Variants in TAF4 observed in about 807,000 individuals in gnomAD.
TAF4 encodes TATA-box binding protein associated factor 4, also known as transcription initiation factor TFIID subunit 4.
A neutral mutation model predicts 90.3 loss-of-function variants in TAF4; 9 were observed. The observed-to-expected ratio is 0.10, with a 90% CI of 0.06 to 0.17. The LOEUF (loss-of-function observed/expected upper bound fraction) is 0.17. Among genes scored for constraint, TAF4 ranks in the 10% least tolerant of loss-of-function variants. TAF4 has a pLI of 1.00. For missense variants in TAF4, 1,351 were observed against 1,370.7 expected (o/e 0.99, Z 0.23); for synonymous variants, 818 against 638.9 (o/e 1.28, Z -4.23).
chr20:62,045,663 T>A (rs558573647), intron 1 of TAF4, among the ~76,000 whole-genome samples: 1 of 152,322 alleles, frequency 6.6e-6, no homozygotes, highest in African/African-American at 2.4e-5. Context: ...AACTGCCTTG[T>A]TTGTGAGTGT....
chr20:62,063,326 G>A (rs373753219), intron 1 of TAF4, among the ~76,000 whole-genome samples: 8 of 152,334 alleles, frequency 5.3e-5, no homozygotes, highest in African/African-American at 1.4e-4. Context: ...AGGGGACGCA[G>A]GAGGGACCCA....
At position 62,064,608 on chromosome 20, in the gene TAF4, G is replaced by A. The variant is rs2056111348; in HGVS notation, c.1203C>T (p.Pro401=). The change falls in exon 1 of 15, where the codon CCC becomes CCT. Residue 401 remains proline, a synonymous_variant. Transcript: ENST00000252996. ...GGGTCACTGCGCCGGCCGCGCCTTT[G>A]GGCAGCCCGGTGGGGGTCCCGGGGG... The part of the protein sequence containing the change: ...PPAPGTPTGL[P]KGAAGAVTQS... The A allele has an allele frequency of 2.8e-6, 4 of 1,436,466 alleles. No homozygotes were observed. Among genetic ancestry groups the A allele is most frequent in the Non-Finnish European group, 3.6e-6 (4 of 1,097,104 alleles). The allele number at this position is 1,436,466 out of a possible 1,614,324, so 89.0% of individuals were successfully genotyped here.
At chr20:61,998,049 G>C in intron 13 of TAF4, 87 bp downstream of exon 13, 3 of 1,286,100 alleles carry the variant, frequency 2.3e-6, no homozygotes, top group Non-Finnish European at 3.3e-6. Flanking sequence ...TCGTACAGAA[G>C]TGCCACGGTT....
At chr20:62,001,680 GGCTGTGGCTGGGCTGCACA>G (rs2055704789) in intron 9 of TAF4, among the ~76,000 whole-genome samples, 1 of 152,130 alleles carries the variant, frequency 6.6e-6, no homozygotes, top group South Asian at 2.1e-4. Context: ...GGTGGTCACG[GGCTGTGGCTGGGCTGCACA>G]GCTTAGGGCT....
intron 6 of TAF4, chr20:62,007,008 A>T (rs573627520): frequency 7.6e-5 from 32 of 422,396 alleles, no homozygotes; most frequent in South Asian, 7.0e-4. Context: ...ACATATTTTT[A>T]AAAAACTTTT....
chr20:62,052,887 C>T (rs1339156394), intron 1 of TAF4, among the ~76,000 whole-genome samples: 3 of 150,688 alleles, frequency 2.0e-5, no homozygotes, highest in East Asian at 2.0e-4. Flanking sequence ...AGGTCCCTCA[C>T]GCTGCCACTC....
intron 1 of TAF4, among the ~76,000 whole-genome samples, chr20:62,043,635 T>C (rs2055976288): frequency 6.6e-6 from 1 of 152,092 alleles, no homozygotes; most frequent in Non-Finnish European, 1.5e-5. Context: ...TCATCTTTTA[T>C]CCCCTAGTTT....
intron 5 of TAF4, 128 bp downstream of exon 5, chr20:62,008,924 C>CT: frequency 1.5e-6 from 2 of 1,306,254 alleles, no homozygotes; most frequent in Non-Finnish European, 2.1e-6. Flanking sequence ...CTCCCCTTCG[C>CT]CTGCAGCCTT....
chr20:62,033,737 CAAAAA>C (rs760557566), intron 1 of TAF4, among the ~76,000 whole-genome samples: 1 of 64,590 alleles, frequency 1.5e-5, no homozygotes, highest in Non-Finnish European at 3.1e-5. Flanking sequence ...GACTCCGTCT[CAAAAA>C]AAAAAAAAAA....
At chr20:61,990,128 C>T (rs2055622164) in intron 14 of TAF4, among the ~76,000 whole-genome samples, 1 of 152,136 alleles carries the variant, frequency 6.6e-6, no homozygotes. Context: ...TAGTAGCCAC[C>T]TAAGGTATCA....
At chr20:62,057,196 G>A (rs887370260) in intron 1 of TAF4, among the ~76,000 whole-genome samples, 2 of 152,180 alleles carry the variant, frequency 1.3e-5, no homozygotes, top group African/African-American at 4.8e-5. Flanking sequence ...TGCCCACAGT[G>A]TCTGCAGCCC....
At chr20:62,056,190 T>C (rs535589661) in intron 1 of TAF4, among the ~76,000 whole-genome samples, 34 of 152,236 alleles carry the variant, frequency 2.2e-4, no homozygotes, top group Admixed American at 1.5e-3. Context: ...TAAGCTGAGA[T>C]TGCGCCACTG....
At position 62,065,474 on chromosome 20, in the gene TAF4, G is replaced by C. The variant is rs1306847488; in HGVS notation, c.337C>G (p.Pro113Ala). The C allele has an allele frequency of 5.1e-6, 5 of 975,654 alleles. No homozygotes were observed. In the African/African-American group the frequency reaches 8.9e-5, roughly 17 times the overall value. 60.4% of individuals were successfully genotyped at this position (975,654 alleles called of 1,614,324 possible). A position where few individuals can be genotyped will look rare whatever the true frequency, so the allele number is the denominator to read the frequency against. The change falls in exon 1 of 15, where the codon CCC becomes GCC. Residue 113 changes from proline (P) to alanine (A), a missense_variant. Around this residue, in one of 9 missense-constraint regions of TAF4, gnomAD observed 782 missense variants for 536.6 expected, o/e 1.46. Transcript: ENST00000252996. The part of the protein sequence containing the change: ...QRPGPPSPRR[P>A]LVPAGPAPPA... ...GGCGCGGGCCCTGCGGGGACAAGGG[G>C]GCGGCGCGGTGAGGGGGGGCCCGGG...
At chr20:61,982,598 G>A (rs907283066) in intron 14 of TAF4, among the ~76,000 whole-genome samples, 6 of 124,470 alleles carry the variant, frequency 4.8e-5, no homozygotes, top group Admixed American at 3.2e-4. Context: ...CCACCCGAGA[G>A]GAGACACCAA....
intron 4 of TAF4, among the ~76,000 whole-genome samples, chr20:62,009,467 AT>A (rs1399084604): frequency 6.6e-6 from 1 of 152,254 alleles, no homozygotes; most frequent in African/African-American, 2.4e-5. Context: ...GCCTGCTACA[AT>A]GTTGCTGACC....
At chr20:61,982,899 G>A (rs2055559431) in intron 14 of TAF4, among the ~76,000 whole-genome samples, 2 of 142,760 alleles carry the variant, frequency 1.4e-5, no homozygotes. Context: ...CTCCCCACCC[G>A]TCCCCCACAA....
chr20:62,015,106 G>A (rs979943516), intron 1 of TAF4, among the ~76,000 whole-genome samples: 1 of 152,172 alleles, frequency 6.6e-6, no homozygotes, highest in Non-Finnish European at 1.5e-5. Flanking sequence ...TGGGCCTAGA[G>A]GGCACAACCA....
At chr20:62,025,884 C>A (rs1440505928) in intron 1 of TAF4, among the ~76,000 whole-genome samples, 1 of 152,146 alleles carries the variant, frequency 6.6e-6, no homozygotes, top group East Asian at 1.9e-4. Context: ...GAGGCAGAGG[C>A]CGTGCTGGGG....
intron 1 of TAF4, among the ~76,000 whole-genome samples, chr20:62,026,216 T>C (rs535303314): frequency 1.3e-5 from 2 of 152,266 alleles, no homozygotes; most frequent in African/African-American, 4.8e-5. Flanking sequence ...GAGAGTCGTA[T>C]TAACAACTCT....
Sources: gnomAD v4.1 joint callset for allele counts (sites outside exome capture counted in the v4.1 genomes callset) on GRCh38, gnomAD v4.1.1 for gene constraint, gnomAD v4.1.1 regional missense constraint, MANE v1.5 for transcripts, NCBI Gene and HGNC (gene_info 2026-07-23, HGNC 2026-07-21) for gene names.